ADAM12: variants seen among roughly 807,000 people sequenced by gnomAD.
ADAM12 encodes the protein disintegrin and metalloproteinase domain-containing protein 12.
A neutral mutation model predicts 106.4 loss-of-function variants in ADAM12; 70 were observed. That is an observed-to-expected ratio of 0.66 (90% CI 0.54 to 0.80). The LOEUF is 0.80. Ranked by LOEUF, ADAM12 falls within the 30% of genes least tolerant of loss-of-function variation. The probability of loss-of-function intolerance (pLI) is 0.00; values close to 1 mark genes in which losing one functional copy is unlikely to be tolerated. For synonymous variants in ADAM12, 420 were observed against 433.5 expected (o/e 0.97, Z 0.39); for missense variants, 1,010 against 1,171.9 (o/e 0.86, Z 2.02).
chr10:126,159,787 T>G (rs1956900303), intron 3 of ADAM12, among the ~76,000 whole-genome samples: 1 of 152,212 alleles, frequency 6.6e-6, no homozygotes, highest in African/African-American at 2.4e-5. Flanking sequence ...TTTTGAAATG[T>G]GACTCAGAAC....
chr10:126,260,212 T>G (rs116470149), intron 3 of ADAM12, among the ~76,000 whole-genome samples: 2,317 of 152,362 alleles, frequency 0.015, 63 homozygotes, highest in African/African-American at 0.052. Context: ...ACAGGACAAA[T>G]GACCGGGAGC....
intron 1 of ADAM12, among the ~76,000 whole-genome samples, chr10:126,351,359 T>C (rs1019707834): frequency 6.6e-5 from 10 of 152,156 alleles, no homozygotes; most frequent in African/African-American, 2.4e-4. Flanking sequence ...GATAGGCCAG[T>C]TCTTGGCCTC....
At chr10:126,284,891 G>A (rs1440755362) in intron 2 of ADAM12, among the ~76,000 whole-genome samples, 1 of 152,124 alleles carries the variant, frequency 6.6e-6, no homozygotes, top group African/African-American at 2.4e-5. Context: ...CTCTTCACTG[G>A]GGCTGTTTTA....
At chr10:126,080,029 G>A (rs1955182342) in intron 11 of ADAM12, among the ~76,000 whole-genome samples, 1 of 152,148 alleles carries the variant, frequency 6.6e-6, no homozygotes, top group Non-Finnish European at 1.5e-5. Context: ...CAAGTACCTG[G>A]AAGTGTTATG....
chr10:126,384,817 A>C (rs2048210402), intron 1 of ADAM12, among the ~76,000 whole-genome samples: 1 of 152,190 alleles, frequency 6.6e-6, no homozygotes, highest in South Asian at 2.1e-4. Flanking sequence ...TTCAGTAGAG[A>C]TCAACTGGGA....
intron 3 of ADAM12, among the ~76,000 whole-genome samples, chr10:126,207,454 A>T (rs927148169): frequency 6.6e-6 from 1 of 152,252 alleles, no homozygotes; most frequent in Non-Finnish European, 1.5e-5. Context: ...AAAGCACATT[A>T]AAATGATTTA....
chr10:126,251,535 A>ATG (rs1958751141), intron 3 of ADAM12, among the ~76,000 whole-genome samples: 23 of 146,974 alleles, frequency 1.6e-4, no homozygotes, highest in African/African-American at 5.7e-4. Context: ...CAGGATGGAT[A>ATG]GATGGATGGA....
chr10:126,165,684 T>A (rs1957012312), intron 3 of ADAM12, among the ~76,000 whole-genome samples: 1 of 152,204 alleles, frequency 6.6e-6, no homozygotes, highest in Non-Finnish European at 1.5e-5. Flanking sequence ...GGAAGCAGCA[T>A]CAGCATATGG....
intron 21 of ADAM12, among the ~76,000 whole-genome samples, chr10:126,023,698 G>C (rs541258970): frequency 7.9e-5 from 12 of 152,164 alleles, no homozygotes; most frequent in African/African-American, 2.9e-4. Flanking sequence ...GACCGAGGGA[G>C]AAAAATAAAC....
intron 2 of ADAM12, among the ~76,000 whole-genome samples, chr10:126,305,785 C>G (rs1960818991): frequency 6.6e-6 from 1 of 151,948 alleles, no homozygotes; most frequent in Non-Finnish European, 1.5e-5. Flanking sequence ...AGAATTATGA[C>G]CAGGCTAGTA....
chr10:126,361,432 C>A (rs962679896), intron 1 of ADAM12, among the ~76,000 whole-genome samples: 9 of 148,900 alleles, frequency 6.0e-5, no homozygotes, highest in South Asian at 2.1e-4. Context: ...ATAGAAAAAA[C>A]AATCCTAAAA....
intron 4 of ADAM12, among the ~76,000 whole-genome samples, chr10:126,152,639 C>A (rs1383601141): frequency 2.0e-5 from 3 of 151,712 alleles, no homozygotes; most frequent in South Asian, 4.2e-4. Flanking sequence ...TTAGTTCTCA[C>A]AACCATTTTA....
chr10:126,298,660 T>C (rs1390091161), intron 2 of ADAM12, among the ~76,000 whole-genome samples: 5 of 152,122 alleles, frequency 3.3e-5, no homozygotes, highest in Non-Finnish European at 4.4e-5. Context: ...TCAAGTCACA[T>C]ACTTTTATAA....
intron 2 of ADAM12, among the ~76,000 whole-genome samples, chr10:126,326,436 GCCAGGGC>G (rs568834429): frequency 2.8e-4 from 43 of 152,102 alleles, no homozygotes; most frequent in Non-Finnish European, 5.0e-4. Context: ...CACCTATGTA[GCCAGGGC>G]CAAAACACAG....
At chr10:126,199,410 G>A (rs899288396) in intron 3 of ADAM12, among the ~76,000 whole-genome samples, 2 of 152,056 alleles carry the variant, frequency 1.3e-5, no homozygotes, top group East Asian at 1.9e-4. Flanking sequence ...TAGGCATAAC[G>A]GCCACCAGCC....
intron 14 of ADAM12, among the ~76,000 whole-genome samples, chr10:126,061,841 C>A (rs942905757): frequency 2.0e-5 from 3 of 152,186 alleles, no homozygotes; most frequent in Non-Finnish European, 4.4e-5. Flanking sequence ...ACCTCCAGAA[C>A]TGTAAAATGA....
chr10:126,080,542 T>C (rs1955192368), intron 11 of ADAM12, among the ~76,000 whole-genome samples: 1 of 152,140 alleles, frequency 6.6e-6, no homozygotes, highest in African/African-American at 2.4e-5. Flanking sequence ...AAAAAAGTGC[T>C]GCTTTCAGCT....
intron 2 of ADAM12, among the ~76,000 whole-genome samples, chr10:126,293,652 G>T (rs1186945373): frequency 1.3e-5 from 2 of 152,196 alleles, no homozygotes; most frequent in Non-Finnish European, 2.9e-5. Flanking sequence ...CTGAGTAGCT[G>T]AGATTGCAGG....
chr10:126,196,098 T>A (rs1184926572), intron 3 of ADAM12, among the ~76,000 whole-genome samples: 1 of 152,348 alleles, frequency 6.6e-6, no homozygotes, highest in South Asian at 2.1e-4. Flanking sequence ...AGAGACTGCA[T>A]GGTCTGCAAA....
Sources: gnomAD v4.1 joint callset for allele counts (sites outside exome capture counted in the v4.1 genomes callset) on GRCh38, gnomAD v4.1.1 for gene constraint, MANE v1.5 for transcripts, NCBI Gene and HGNC (gene_info 2026-07-23, HGNC 2026-07-21) for gene names.